ST8SIA2: variants seen among roughly 807,000 people sequenced by gnomAD.
The protein encoded by ST8SIA2 is alpha-2,8-sialyltransferase 8B.
ST8SIA2 carries 22 observed loss-of-function variants against 37.6 expected under a neutral mutation model. The ratio of observed to expected loss-of-function variants is 0.58; its 90% CI spans 0.42 to 0.83. ST8SIA2 has a LOEUF of 0.83. Among genes scored for constraint, ST8SIA2 ranks in the 40% least tolerant of loss-of-function variants. ST8SIA2 has a pLI of 0.00. For missense variants in ST8SIA2, 382 were observed against 484.7 expected, an observed-to-expected ratio of 0.79 and a Z score of 1.99; for synonymous variants, 205 against 201.2, an observed-to-expected ratio of 1.02 and a Z score of -0.16.
At chr15:92,407,834 T>C (rs999240279) in intron 1 of ST8SIA2, among the ~76,000 whole-genome samples, 4 of 152,240 alleles carry the variant, frequency 2.6e-5, no homozygotes, top group African/African-American at 9.7e-5. Flanking sequence ...CTATCTATGG[T>C]AGTGGTATAA....
rs2049981117 is a variant in ST8SIA2, at chr15:92,464,772, G to A, written c.*387G>A. 1 of 250,016 alleles carries A rather than the reference G, an allele frequency of 4.0e-6. No homozygotes were observed. Among genetic ancestry groups the A allele is most frequent in the Non-Finnish European group, 7.8e-6 (1 of 127,708 alleles). 15.5% of individuals were successfully genotyped at this position (250,016 alleles called of 1,614,324 possible). A position where few individuals can be genotyped will look rare whatever the true frequency, so the allele number is the denominator to read the frequency against. ...CTCATGGATGAATGGCGAGCCACCT[G>A]TTGTCAGCTGCCCCAAGCCTCTGGG... On this transcript the variant is annotated 3_prime_UTR_variant, in exon 6 of 6. Coordinates refer to ENST00000268164, the MANE Select transcript of ST8SIA2 (RefSeq NM_006011.4).
intron 1 of ST8SIA2, among the ~76,000 whole-genome samples, chr15:92,418,787 A>C (rs1269470979): frequency 6.6e-6 from 1 of 152,210 alleles, no homozygotes; most frequent in African/African-American, 2.4e-5. Context: ...ACAGAGAAAA[A>C]TCACAATTTT....
At chr15:92,416,698 C>T (rs544022455) in intron 1 of ST8SIA2, among the ~76,000 whole-genome samples, 4 of 152,214 alleles carry the variant, frequency 2.6e-5, no homozygotes, top group African/African-American at 9.6e-5. Flanking sequence ...GCCAGGGTCC[C>T]GTCGGGATTC....
intron 1 of ST8SIA2, among the ~76,000 whole-genome samples, chr15:92,405,174 T>C (rs1438558801): frequency 1.3e-5 from 2 of 152,196 alleles, no homozygotes; most frequent in Non-Finnish European, 2.9e-5. Context: ...TGACACAAGC[T>C]ATAAGATGGG....
rs370716307 is a variant in ST8SIA2 at position 92,434,426 on chromosome 15, A to G, written c.290+51A>G. 1.3e-4 allele frequency: 213 copies of G among 1,613,298 alleles called. 1 individual carries two copies. In the African/African-American group the frequency reaches 2.4e-3, roughly 18 times the overall value. On this transcript the variant is annotated intron_variant, in intron 3 of 5. Transcript: ENST00000268164. ...GAGGTAGACTTGGTCTTGAGCATAC[A>G]CGGGCAAATTGCTTCTCTTCGTCAT...
At chr15:92,453,416 C>A (rs1284287424) in intron 5 of ST8SIA2, among the ~76,000 whole-genome samples, 1 of 152,164 alleles carries the variant, frequency 6.6e-6, no homozygotes, top group Non-Finnish European at 1.5e-5. Flanking sequence ...GAATTAGAAC[C>A]AACTCAACCA....
At chr15:92,441,123 T>A (rs1423358750) in intron 4 of ST8SIA2, among the ~76,000 whole-genome samples, 1 of 152,212 alleles carries the variant, frequency 6.6e-6, no homozygotes, top group Non-Finnish European at 1.5e-5. Context: ...CCATTCACCC[T>A]ACCTCCTCTG....
intron 1 of ST8SIA2, among the ~76,000 whole-genome samples, chr15:92,410,286 G>A (rs1375092541): frequency 6.6e-6 from 1 of 152,142 alleles, no homozygotes; most frequent in East Asian, 1.9e-4. Context: ...AATAGGTGTT[G>A]GTCTATTTTC....
intron 5 of ST8SIA2, among the ~76,000 whole-genome samples, chr15:92,447,292 C>A (rs989469296): frequency 2.0e-5 from 3 of 152,140 alleles, no homozygotes; most frequent in Non-Finnish European, 4.4e-5. Flanking sequence ...CAAACAAGCA[C>A]AATGTGGCAG....
chr15:92,402,933 A>G (rs1036002748), intron 1 of ST8SIA2, among the ~76,000 whole-genome samples: 4 of 152,148 alleles, frequency 2.6e-5, no homozygotes, highest in African/African-American at 9.7e-5. Context: ...ATTTTCTTCT[A>G]GGGGAAGACA....
chr15:92,464,054 C>T (rs564227288), intron 5 of ST8SIA2, 46 bp from the exon 6 acceptor site: 3 of 1,517,982 alleles, frequency 2.0e-6, no homozygotes, highest in Non-Finnish European at 2.6e-6. Context: ...GGATGACTCA[C>T]AGACCCATGT....
At chr15:92,418,114 T>G (rs866538021) in intron 1 of ST8SIA2, among the ~76,000 whole-genome samples, 1 of 152,176 alleles carries the variant, frequency 6.6e-6, no homozygotes, top group African/African-American at 2.4e-5. Flanking sequence ...TCACTTAACC[T>G]TTTTGAGCCT....
intron 1 of ST8SIA2, 74 bp downstream of exon 1, chr15:92,394,236 C>A: frequency 7.7e-7 from 1 of 1,305,384 alleles, no homozygotes; most frequent in Non-Finnish European, 1.1e-6. Flanking sequence ...CTCCACCCTC[C>A]GACCCCCTTT....
chr15:92,453,563 C>G (rs936744829), intron 5 of ST8SIA2, among the ~76,000 whole-genome samples: 4 of 152,202 alleles, frequency 2.6e-5, no homozygotes, highest in African/African-American at 9.7e-5. Flanking sequence ...GGTCTTGGGT[C>G]ACAGCAATGA....
chr15:92,459,129 C>G (rs993740429), intron 5 of ST8SIA2, among the ~76,000 whole-genome samples: 1 of 152,190 alleles, frequency 6.6e-6, no homozygotes. Context: ...CCTCTCTCCC[C>G]CTTTCTGGTC....
chr15:92,429,611 G>C (rs1230307418), intron 1 of ST8SIA2, among the ~76,000 whole-genome samples: 1 of 152,220 alleles, frequency 6.6e-6, no homozygotes, highest in African/African-American at 2.4e-5. Context: ...TCTCAAAGTT[G>C]GAGAGAATGC....
intron 1 of ST8SIA2, among the ~76,000 whole-genome samples, chr15:92,427,774 G>A (rs939504666): frequency 6.6e-5 from 10 of 152,238 alleles, no homozygotes; most frequent in East Asian, 1.9e-4. Flanking sequence ...ACCTGAAGCC[G>A]AGAGTTTGAG....
chr15:92,452,960 C>G (rs932968926), intron 5 of ST8SIA2, among the ~76,000 whole-genome samples: 10 of 152,120 alleles, frequency 6.6e-5, no homozygotes, highest in South Asian at 2.1e-4. Context: ...TCCCTTCCCA[C>G]GCTGAGATTC....
At chr15:92,439,956 G>A (rs1315031493) in intron 4 of ST8SIA2, among the ~76,000 whole-genome samples, 1 of 152,052 alleles carries the variant, frequency 6.6e-6, no homozygotes, top group Non-Finnish European at 1.5e-5. Flanking sequence ...GGAGGCGGGG[G>A]GGTGGCTGTC....
Sources: allele counts gnomAD v4.1 joint callset (sites outside exome capture counted in the v4.1 genomes callset), GRCh38; gene constraint gnomAD v4.1.1; transcripts MANE v1.5; gene names NCBI Gene and HGNC (gene_info 2026-07-23, HGNC 2026-07-21).